Variants in RTN1 observed in about 807,000 individuals in gnomAD.
RTN1 encodes reticulon-1.
In RTN1, 25 loss-of-function variants were observed where a neutral mutation model predicts 65.5. The ratio of observed to expected loss-of-function variants is 0.38; its 90% CI spans 0.28 to 0.53. The LOEUF (loss-of-function observed/expected upper bound fraction) is 0.53. Ranked by LOEUF, RTN1 falls within the 20% of genes least tolerant of loss-of-function variation. The pLI is 0.79. For missense variants in RTN1, 983 were observed against 1,025.4 expected, an observed-to-expected ratio of 0.96 and a Z score of 0.57; for synonymous variants, 471 against 447.6, an observed-to-expected ratio of 1.05 and a Z score of -0.66.
intron 1 of RTN1, among the ~76,000 whole-genome samples, chr14:59,747,435 C>A (rs1329365024): frequency 6.6e-6 from 1 of 152,200 alleles, no homozygotes; most frequent in Non-Finnish European, 1.5e-5. Context: ...CATGGAGAAA[C>A]TCCGTCTCTA....
intron 1 of RTN1, among the ~76,000 whole-genome samples, chr14:59,840,034 A>C (rs933735282): frequency 6.6e-6 from 1 of 151,480 alleles, no homozygotes; most frequent in East Asian, 1.9e-4. Context: ...TTCCAGACTC[A>C]CTTTCTTACT....
At chr14:59,735,179 G>A (rs757929478) in intron 2 of RTN1, among the ~76,000 whole-genome samples, 7 of 152,186 alleles carry the variant, frequency 4.6e-5, no homozygotes, top group Non-Finnish European at 8.8e-5. Flanking sequence ...TTTCAGACAA[G>A]CGAATGCTGA....
chr14:59,731,838 C>T (rs962953277), intron 2 of RTN1, among the ~76,000 whole-genome samples: 1 of 152,146 alleles, frequency 6.6e-6, no homozygotes, highest in African/African-American at 2.4e-5. Flanking sequence ...ATGTTGGTCT[C>T]CCCCAGAGTT....
intron 3 of RTN1, among the ~76,000 whole-genome samples, chr14:59,659,381 C>T (rs1883193590): frequency 6.6e-6 from 1 of 151,928 alleles, no homozygotes; most frequent in African/African-American, 2.4e-5. Context: ...ATTCAGGAAC[C>T]ACAGAGAACA....
intron 1 of RTN1, among the ~76,000 whole-genome samples, chr14:59,842,192 G>T (rs1384456980): frequency 1.3e-5 from 2 of 151,540 alleles, no homozygotes; most frequent in East Asian, 3.9e-4. Context: ...TCACAATAAG[G>T]AGTGTTAGCA....
Position 59,747,606 on chromosome 14 carries a change from C to CA in RTN1, c.242-1126dup, listed in dbSNP as rs796937461. On this transcript the variant is annotated intron_variant, in intron 1 of 8. Coordinates refer to ENST00000267484, the MANE Select transcript of RTN1 (RefSeq NM_021136.3). Reference sequence around the variant, plus strand: ...GGGCAACAAGAGCAAAACTCCATCTCAAAAAAAACAAAAAAATAGTGAGCA... The same window carrying CA: ...GGGCAACAAGAGCAAAACTCCATCTCAAAAAAAAACAAAAAAATAGTGAGCA... 9.6e-4 allele frequency among the ~76,000 whole-genome samples: 145 copies of CA among 150,982 alleles called. 1 individual carries two copies. The highest frequency in any genetic ancestry group is 3.1e-3 in the African/African-American group (129 of 41,082).
intron 1 of RTN1, among the ~76,000 whole-genome samples, chr14:59,864,455 C>T (rs1887763143): frequency 6.6e-6 from 1 of 151,992 alleles, no homozygotes; most frequent in African/African-American, 2.4e-5. Flanking sequence ...ATTCCCATTA[C>T]TCTGTTTTGA....
chr14:59,716,057 C>T (rs1884527804), intron 3 of RTN1, among the ~76,000 whole-genome samples: 2 of 152,158 alleles, frequency 1.3e-5, no homozygotes, highest in South Asian at 4.1e-4. Flanking sequence ...GACTGAATTT[C>T]CGGCTTACAG....
intron 1 of RTN1, among the ~76,000 whole-genome samples, chr14:59,822,985 T>C (rs1886969222): frequency 6.6e-6 from 1 of 152,150 alleles, no homozygotes; most frequent in South Asian, 2.1e-4. Context: ...CTGTTGCTGT[T>C]GGGTGGAGTA....
intron 3 of RTN1, among the ~76,000 whole-genome samples, chr14:59,614,610 A>C (rs1882052941): frequency 6.6e-6 from 1 of 152,240 alleles, no homozygotes; most frequent in Non-Finnish European, 1.5e-5. Context: ...GGTCTAAATT[A>C]AGGTCAAATA....
At position 59,596,682 on chromosome 14, in the gene RTN1, A is replaced by G. The variant is rs777044747; in HGVS notation, c.*63T>C. The stretch of plus-strand genomic sequence containing the variant: ...GACAATCAATTTGCAGTAATGAGTA[A>G]GAAGAGAGCTGTTACCACTCCAGAC... On this transcript the variant is annotated 3_prime_UTR_variant, in exon 9 of 9. Coordinates refer to ENST00000267484, the MANE Select transcript of RTN1 (RefSeq NM_021136.3). 150 of 1,222,212 alleles carry G rather than the reference A, an allele frequency of 1.2e-4. No individual in the cohort carries two copies. The highest frequency in any genetic ancestry group is 1.7e-4 in the Non-Finnish European group (141 of 822,936). The allele number at this position is 1,222,212 out of a possible 1,614,324, so 75.7% of individuals were successfully genotyped here.
At chr14:59,728,601 C>A (rs1301075927) in intron 2 of RTN1, among the ~76,000 whole-genome samples, 3 of 152,096 alleles carry the variant, frequency 2.0e-5, no homozygotes, top group Non-Finnish European at 4.4e-5. Context: ...TTTTCCCTTG[C>A]CATACAGAAG....
chr14:59,682,344 G>A (rs1031677849), intron 3 of RTN1, among the ~76,000 whole-genome samples: 1 of 152,114 alleles, frequency 6.6e-6, no homozygotes, highest in Non-Finnish European at 1.5e-5. Context: ...ATTTGAACAA[G>A]ATTTATTACA....
chr14:59,763,766 C>G (rs1467163287), intron 1 of RTN1, among the ~76,000 whole-genome samples: 1 of 152,096 alleles, frequency 6.6e-6, no homozygotes, highest in East Asian at 1.9e-4. Context: ...CTCCTGACCT[C>G]GTGATCCACC....
chr14:59,726,350 T>C (rs1356318145), intron 3 of RTN1, among the ~76,000 whole-genome samples: 2 of 152,214 alleles, frequency 1.3e-5, no homozygotes, highest in African/African-American at 4.8e-5. Context: ...GAGAAAACTC[T>C]GGACCCAACT....
At chr14:59,646,313 T>A (rs1882895561) in intron 3 of RTN1, among the ~76,000 whole-genome samples, 1 of 152,122 alleles carries the variant, frequency 6.6e-6, no homozygotes, top group Non-Finnish European at 1.5e-5. Flanking sequence ...TGGGATTATA[T>A]AAAGAGGCCC....
intron 1 of RTN1, among the ~76,000 whole-genome samples, chr14:59,837,257 T>C (rs1167263627): frequency 6.6e-6 from 1 of 152,014 alleles, no homozygotes; most frequent in African/African-American, 2.4e-5. Flanking sequence ...TGATGATTGG[T>C]TAATTTGAAA....
chr14:59,708,037 C>T (rs911088378), intron 3 of RTN1, among the ~76,000 whole-genome samples: 1 of 152,144 alleles, frequency 6.6e-6, no homozygotes, highest in Non-Finnish European at 1.5e-5. Flanking sequence ...TGTATGTTAA[C>T]GCTGTTTATA....
chr14:59,827,818 A>G (rs1221752759), intron 1 of RTN1, among the ~76,000 whole-genome samples: 1 of 152,038 alleles, frequency 6.6e-6, no homozygotes, highest in Non-Finnish European at 1.5e-5. Flanking sequence ...AAACTCTCCT[A>G]TTTTCACTCT....
Sources: gnomAD v4.1 joint callset for allele counts (sites outside exome capture counted in the v4.1 genomes callset) on GRCh38, gnomAD v4.1.1 for gene constraint, MANE v1.5 for transcripts, NCBI Gene and HGNC (gene_info 2026-07-23, HGNC 2026-07-21) for gene names.